The following PTPRN2 variants were observed in gnomAD, a reference collection of about 807,000 sequenced individuals.
PTPRN2 encodes receptor-type tyrosine-protein phosphatase N2.
Under a neutral mutation model 118.8 loss-of-function variants are expected in PTPRN2, and 74 were observed. That is an observed-to-expected ratio of 0.62 (90% CI 0.52 to 0.76). The LOEUF is 0.76. PTPRN2 is among the 30% of genes least tolerant of loss of function. The pLI, the probability that PTPRN2 is intolerant of heterozygous loss-of-function variation, is 0.00. For missense variants in PTPRN2, 1,481 were observed against 1,394.4 expected (o/e 1.06, Z -0.99); for synonymous variants, 641 against 608.0 (o/e 1.05, Z -0.80).
chr7:157,914,916 C>G (rs994403617), intron 11 of PTPRN2, among the ~76,000 whole-genome samples: 2 of 152,098 alleles, frequency 1.3e-5, no homozygotes, highest in African/African-American at 4.8e-5. Flanking sequence ...CTAATTCTCT[C>G]TTCAACTATA....
chr7:157,900,226 G>A (rs901126355), intron 11 of PTPRN2, among the ~76,000 whole-genome samples: 3 of 152,192 alleles, frequency 2.0e-5, no homozygotes, highest in Admixed American at 6.5e-5. Flanking sequence ...GCAGGCCCAC[G>A]GCTCTGTCGC....
intron 21 of PTPRN2, among the ~76,000 whole-genome samples, chr7:157,564,728 A>G (rs1441292572): frequency 6.6e-6 from 1 of 152,250 alleles, no homozygotes; most frequent in Non-Finnish European, 1.5e-5. Flanking sequence ...CTAAAACCAC[A>G]TTGAGATCCA....
In PTPRN2 at chr7:157,990,782, C is replaced by T. The variant is rs970162466; in HGVS notation, c.1723+90516G>A. Among the ~76,000 whole-genome samples the T allele has an allele frequency of 2.0e-5, 3 of 152,150 alleles. No individual in the cohort carries two copies. Among genetic ancestry groups the T allele is most frequent in the Non-Finnish European group, 4.4e-5 (3 of 68,034 alleles). On this transcript the variant is annotated intron_variant, in intron 11 of 22. Coordinates refer to ENST00000389418, the MANE Select transcript of PTPRN2 (RefSeq NM_002847.5). The surrounding 1 kb of genome is among the most constrained non-coding windows in gnomAD (Gnocchi z 4.3). ...AATGTCACCGAGCTTCCCTCCGATA[C>T]AGTGGGAGGGAGGACTTGGCGCACA...
chr7:157,941,578 C>T (rs1054106412), intron 11 of PTPRN2, among the ~76,000 whole-genome samples: 5 of 152,212 alleles, frequency 3.3e-5, no homozygotes, highest in African/African-American at 1.2e-4. Context: ...AGAGCAGCCA[C>T]AGCAAGCCAC....
chr7:157,900,796 G>A (rs1797395135), intron 11 of PTPRN2, among the ~76,000 whole-genome samples: 1 of 152,196 alleles, frequency 6.6e-6, no homozygotes. Flanking sequence ...CTGCATAACA[G>A]AATTGTAAAT....
intron 2 of PTPRN2, among the ~76,000 whole-genome samples, chr7:158,384,044 G>A (rs564639706): frequency 6.6e-6 from 1 of 152,156 alleles, no homozygotes; most frequent in African/African-American, 2.4e-5. Flanking sequence ...TTTAAACTCT[G>A]CTTGAAGCAT....
At chr7:158,403,788 A>C (rs1009437054) in intron 2 of PTPRN2, among the ~76,000 whole-genome samples, 3 of 152,224 alleles carry the variant, frequency 2.0e-5, no homozygotes, top group Admixed American at 6.5e-5. Flanking sequence ...TGATTCCCCC[A>C]GAGTTCTGAA....
chr7:157,878,659 C>T (rs1016214985), intron 12 of PTPRN2, among the ~76,000 whole-genome samples: 2 of 127,786 alleles, frequency 1.6e-5, no homozygotes, highest in Admixed American at 8.0e-5. Context: ...GGAGCTCTCT[C>T]AGATTCCATG....
intron 11 of PTPRN2, among the ~76,000 whole-genome samples, chr7:158,070,859 C>T (rs114361517): frequency 0.018 from 1,799 of 99,586 alleles, 241 homozygotes; most frequent in African/African-American, 0.071. Flanking sequence ...TGGAGGTGCC[C>T]GTGGTGGTGG....
At chr7:157,568,466 T>C (rs981480324) in intron 21 of PTPRN2, among the ~76,000 whole-genome samples, 1 of 152,106 alleles carries the variant, frequency 6.6e-6, no homozygotes, top group Admixed American at 6.5e-5. Flanking sequence ...GTGCCTCTAG[T>C]GTGAATACCG....
At chr7:158,287,432 T>G (rs559258068) in intron 3 of PTPRN2, among the ~76,000 whole-genome samples, 1 of 152,302 alleles carries the variant, frequency 6.6e-6, no homozygotes, top group East Asian at 1.9e-4. Context: ...GGATTCTTTC[T>G]TCTTTTCTGA....
chr7:158,051,937 G>GA (rs1209196181), intron 11 of PTPRN2, among the ~76,000 whole-genome samples: 1 of 152,206 alleles, frequency 6.6e-6, no homozygotes, highest in East Asian at 1.9e-4. Context: ...GAGGAAGAGG[G>GA]AAAAGGTAGT....
chr7:158,566,484 C>T (rs951238370), intron 1 of PTPRN2, among the ~76,000 whole-genome samples: 3 of 152,204 alleles, frequency 2.0e-5, no homozygotes. Context: ...TTGGCAGCCC[C>T]GGGCCAGGCA....
At chr7:158,115,683 A>G (rs1260510567) in intron 9 of PTPRN2, among the ~76,000 whole-genome samples, 2 of 152,022 alleles carry the variant, frequency 1.3e-5, no homozygotes, top group African/African-American at 4.8e-5. Context: ...ATCTACTGGC[A>G]TCTGGATTCC....
Position 158,141,358 on chromosome 7 carries a change from TC to T in PTPRN2, c.911-2844del, listed in dbSNP as rs1188671072. ...GCACCCCCGTTCACTCAGCCGCACG[TC>T]CCGTCCTCTCTCCACAGCGCAGGCT... On this transcript the variant is annotated intron_variant, in intron 6 of 22. Transcript: ENST00000389418. Among the ~76,000 whole-genome samples, 5 of 152,186 alleles carry T rather than the reference TC, an allele frequency of 3.3e-5. No individual in the cohort carries two copies. The East Asian group carries it at 9.6e-4, about 29-fold the overall frequency.
At chr7:158,579,766 C>T (rs1337514662) in intron 1 of PTPRN2, among the ~76,000 whole-genome samples, 1 of 152,222 alleles carries the variant, frequency 6.6e-6, no homozygotes, top group Non-Finnish European at 1.5e-5. Context: ...AGCCCCATTT[C>T]TGTTACCTTA....
intron 12 of PTPRN2, among the ~76,000 whole-genome samples, chr7:157,747,808 G>A (rs1423673060): frequency 5.5e-5 from 7 of 128,248 alleles, no homozygotes; most frequent in Middle Eastern, 5.4e-3. Flanking sequence ...CTGTTGAGGT[G>A]ATTCTGAGGC....
At chr7:157,983,961 A>C (rs1308308644) in intron 11 of PTPRN2, among the ~76,000 whole-genome samples, 1 of 152,078 alleles carries the variant, frequency 6.6e-6, no homozygotes, top group African/African-American at 2.4e-5. Flanking sequence ...GGAATCCCTG[A>C]GGAGGAGCCG....
chr7:157,870,475 T>G (rs887032458), intron 12 of PTPRN2, among the ~76,000 whole-genome samples: 1 of 152,228 alleles, frequency 6.6e-6, no homozygotes, highest in African/African-American at 2.4e-5. Flanking sequence ...TTCACCACAA[T>G]TTTGATGTTT....
Sources: gnomAD v4.1 joint callset for allele counts (sites outside exome capture counted in the v4.1 genomes callset) on GRCh38, gnomAD v4.1.1 for gene constraint, Gnocchi (gnomAD v3.1) non-coding constraint, MANE v1.5 for transcripts, NCBI Gene and HGNC (gene_info 2026-07-23, HGNC 2026-07-21) for gene names.